The following CRYBG1 variants were observed in gnomAD, a reference collection of about 807,000 sequenced individuals.
CRYBG1 encodes the protein crystallin beta-gamma domain containing 1.
A neutral mutation model predicts 189.2 loss-of-function variants in CRYBG1; 139 were observed. The ratio of observed to expected loss-of-function variants is 0.73; its 90% CI spans 0.64 to 0.85. The LOEUF (loss-of-function observed/expected upper bound fraction) is 0.85. Among genes scored for constraint, CRYBG1 ranks in the 40% least tolerant of loss-of-function variants. The pLI, the probability that CRYBG1 is intolerant of heterozygous loss-of-function variation, is 0.00. For synonymous variants in CRYBG1, 1,023 were observed against 1,017.1 expected (o/e 1.01, Z -0.11); for missense variants, 2,611 against 2,675.8 (o/e 0.98, Z 0.53).
intron 2 of CRYBG1, among the ~76,000 whole-genome samples, chr6:106,472,981 C>T (rs1772266727): frequency 6.6e-6 from 1 of 151,076 alleles, no homozygotes; most frequent in African/African-American, 2.4e-5. Flanking sequence ...TTTTAATAGG[C>T]TTTTTCTAAA....
At chr6:106,435,600 AATTAT>A (rs67904258) in intron 1 of CRYBG1, among the ~76,000 whole-genome samples, 16,350 of 150,696 alleles carry the variant, frequency 0.11, 1,116 homozygotes, top group East Asian at 0.15. Flanking sequence ...TTAATTAATT[AATTAT>A]ATTTATTTAT....
chr6:106,462,026 C>T (rs1020324748), intron 2 of CRYBG1, among the ~76,000 whole-genome samples: 4 of 152,170 alleles, frequency 2.6e-5, no homozygotes, highest in Non-Finnish European at 5.9e-5. Context: ...GATTGTCAAT[C>T]AGCATGTATT....
intron 2 of CRYBG1, among the ~76,000 whole-genome samples, chr6:106,476,502 CTT>C (rs1772336947): frequency 6.6e-6 from 1 of 152,178 alleles, no homozygotes; most frequent in African/African-American, 2.4e-5. Context: ...GACTCATACT[CTT>C]TGGTTAAATT....
intron 1 of CRYBG1, among the ~76,000 whole-genome samples, chr6:106,382,287 C>G (rs1770302785): frequency 6.6e-6 from 1 of 152,002 alleles, no homozygotes; most frequent in Non-Finnish European, 1.5e-5. Context: ...ATGCAAAGGG[C>G]AAAACTACAC....
chr6:106,510,395 T>A (rs1195188785), intron 2 of CRYBG1, among the ~76,000 whole-genome samples: 2 of 152,218 alleles, frequency 1.3e-5, no homozygotes, highest in African/African-American at 4.8e-5. Context: ...TTTGCTTTTA[T>A]TGGTTTGTTC....
At chr6:106,431,556 T>A (rs1182872311) in intron 1 of CRYBG1, among the ~76,000 whole-genome samples, 1 of 152,152 alleles carries the variant, frequency 6.6e-6, no homozygotes, top group South Asian at 2.1e-4. Flanking sequence ...AACTTGCTTG[T>A]TCCAGTTAAA....
At chr6:106,454,247 G>A (rs979540741) in intron 2 of CRYBG1, among the ~76,000 whole-genome samples, 1 of 152,112 alleles carries the variant, frequency 6.6e-6, no homozygotes, top group Non-Finnish European at 1.5e-5. Context: ...GAGGCAAGAG[G>A]CAGTACAACA....
chr6:106,489,149 T>C (rs6931218), intron 2 of CRYBG1, among the ~76,000 whole-genome samples: 2 of 152,152 alleles, frequency 1.3e-5, no homozygotes, highest in Admixed American at 6.5e-5. Context: ...AAGGAGACAG[T>C]GTGGCAGAGG....
At chr6:106,395,175 G>A (rs1417770823) in intron 1 of CRYBG1, among the ~76,000 whole-genome samples, 2 of 151,676 alleles carry the variant, frequency 1.3e-5, no homozygotes, top group Non-Finnish European at 1.5e-5. Context: ...TGGGCTGATC[G>A]CTTGAGCTCA....
At chr6:106,515,130 T>C (rs1248106892) in intron 3 of CRYBG1, among the ~76,000 whole-genome samples, 1 of 152,242 alleles carries the variant, frequency 6.6e-6, no homozygotes, top group Non-Finnish European at 1.5e-5. Context: ...AATTATTACT[T>C]CAAGTTCTCT....
intron 2 of CRYBG1, among the ~76,000 whole-genome samples, chr6:106,487,714 AT>A (rs1176515313): frequency 2.0e-5 from 3 of 151,992 alleles, no homozygotes; most frequent in Non-Finnish European, 4.4e-5. Flanking sequence ...TTATGAATTG[AT>A]TTCCTGCTTT....
chr6:106,527,984 G>A (rs1773792289), intron 7 of CRYBG1, among the ~76,000 whole-genome samples: 1 of 152,186 alleles, frequency 6.6e-6, no homozygotes, highest in Non-Finnish European at 1.5e-5. Flanking sequence ...ATTTGATGAG[G>A]AAAGTGTTGT....
At chr6:106,433,769 A>G (rs1477871412) in intron 1 of CRYBG1, among the ~76,000 whole-genome samples, 3 of 67,816 alleles carry the variant, frequency 4.4e-5, no homozygotes, top group African/African-American at 1.5e-4. Flanking sequence ...GTATATATAT[A>G]TATGTATATA....
At chr6:106,483,402 A>ATATATGTATATATATATATATATATATAT (rs1361096436) in intron 2 of CRYBG1, among the ~76,000 whole-genome samples, 1 of 88,436 alleles carries the variant, frequency 1.1e-5, no homozygotes, top group Non-Finnish European at 2.9e-5. Context: ...ATATATATAT[A>ATATATGTATATATATATATATATATATAT]AAACATTTTC....
At chr6:106,525,051 A>G (rs1773703262) in intron 4 of CRYBG1, 82 bp from the exon 5 acceptor site, 1 of 1,391,968 alleles carries the variant, frequency 7.2e-7, no homozygotes, top group African/African-American at 1.4e-5. Flanking sequence ...AGTGTGATCT[A>G]CCTACAGGAT....
chr6:106,438,418 A>G (rs188133552), intron 1 of CRYBG1, among the ~76,000 whole-genome samples: 83 of 152,228 alleles, frequency 5.5e-4, no homozygotes, highest in African/African-American at 1.9e-3. Flanking sequence ...CTAGAAGTCC[A>G]AAATCAAAGT....
intron 1 of CRYBG1, among the ~76,000 whole-genome samples, chr6:106,381,375 T>C (rs1336092790): frequency 1.3e-5 from 2 of 152,206 alleles, no homozygotes; most frequent in African/African-American, 2.4e-5. Context: ...TGTGTTACCT[T>C]AGGTAAAGCA....
intron 2 of CRYBG1, among the ~76,000 whole-genome samples, chr6:106,461,026 A>G (rs979724282): frequency 6.6e-6 from 1 of 151,950 alleles, no homozygotes; most frequent in Non-Finnish European, 1.5e-5. Context: ...ACCTCATGAT[A>G]TGCCTGCCTC....
rs12197698 is a variant in CRYBG1 at position 106,451,851 on chromosome 6, T to C, written c.312+19T>C. The stretch of plus-strand genomic sequence containing the variant: ...TAAAAAGGTAATGCTTCATTTCTAA[T>C]GTTTGACTCCCAAGAATAAACCCTT... On this transcript the variant is annotated intron_variant, in intron 2 of 21. Transcript: ENST00000633556. 0.08 allele frequency: 122,841 copies of C among 1,531,130 alleles called. 5,501 individuals carry two copies. Among genetic ancestry groups the C allele is most frequent in the East Asian group, 0.16 (6,637 of 40,828 alleles). 94.8% of individuals were successfully genotyped at this position (1,531,130 alleles called of 1,614,324 possible). A position where few individuals can be genotyped will look rare whatever the true frequency, so the allele number is the denominator to read the frequency against.
Sources: gnomAD v4.1 joint callset for allele counts (sites outside exome capture counted in the v4.1 genomes callset) on GRCh38, gnomAD v4.1.1 for gene constraint, MANE v1.5 for transcripts, NCBI Gene and HGNC (gene_info 2026-07-23, HGNC 2026-07-21) for gene names.